Variants in KCTD8 observed in about 807,000 individuals in gnomAD.
KCTD8 encodes the protein BTB/POZ domain-containing protein KCTD8.
A neutral mutation model predicts 31.5 loss-of-function variants in KCTD8; 27 were observed. The ratio of observed to expected loss-of-function variants is 0.86; its 90% CI spans 0.63 to 1.18. The LOEUF (loss-of-function observed/expected upper bound fraction) is 1.18. Ranked by LOEUF, KCTD8 falls within the 50% of genes most tolerant of loss-of-function variation. The pLI is 0.00. For synonymous variants in KCTD8, 290 were observed against 280.0 expected (o/e 1.04, Z -0.36); for missense variants, 658 against 647.7 (o/e 1.02, Z -0.17).
intron 1 of KCTD8, among the ~76,000 whole-genome samples, chr4:44,262,494 TATATTCTTCGTATA>T (rs1281426100): frequency 3.3e-5 from 5 of 152,068 alleles, no homozygotes; most frequent in Non-Finnish European, 7.4e-5. Context: ...TAAGATAGAA[TATATTCTTCGTATA>T]AGTCACCTGT....
rs555172284 is a variant in KCTD8, at chr4:44,234,114, A to C, written c.962-58864T>G. 2.0e-3 allele frequency among the ~76,000 whole-genome samples: 298 copies of C among 152,322 alleles called. 5 individuals are homozygous for C. The highest frequency in any genetic ancestry group is 2.8e-4 in the Non-Finnish European group (19 of 68,022). ...TGCGTGTAATACTTATTTAATTTTC[A>C]AAACAACCCTGCAGAGAGTTACTCT... On this transcript the variant is annotated intron_variant, in intron 1 of 1. Coordinates refer to ENST00000360029, the MANE Select transcript of KCTD8 (RefSeq NM_198353.3).
At chr4:44,226,651 C>A (rs1343996348) in intron 1 of KCTD8, among the ~76,000 whole-genome samples, 1 of 152,140 alleles carries the variant, frequency 6.6e-6, no homozygotes, top group Admixed American at 6.5e-5. Context: ...ATCTATACTC[C>A]CACCAACAGT....
intron 1 of KCTD8, among the ~76,000 whole-genome samples, chr4:44,389,667 T>C (rs570357987): frequency 6.6e-6 from 1 of 151,922 alleles, no homozygotes; most frequent in East Asian, 1.9e-4. Flanking sequence ...TGGAGATTGG[T>C]TGCACAACAA....
At chr4:44,310,664 T>A (rs1214886729) in intron 1 of KCTD8, among the ~76,000 whole-genome samples, 1 of 152,088 alleles carries the variant, frequency 6.6e-6, no homozygotes, top group Admixed American at 6.6e-5. Flanking sequence ...GATTCGTGAG[T>A]AAACCAGAGG....
rs567599666 is a variant in KCTD8, at chr4:44,264,700, G to A, written c.962-89450C>T. On this transcript the variant is annotated intron_variant, in intron 1 of 1. Coordinates refer to ENST00000360029, the MANE Select transcript of KCTD8 (RefSeq NM_198353.3). Reference sequence around the variant, plus strand: ...TCCCCCCCGAATACTGCTCTTTTCCGATGGGCTTAGGAAATGGCACACCAG... The same window carrying A: ...TCCCCCCCGAATACTGCTCTTTTCCAATGGGCTTAGGAAATGGCACACCAG... 5.9e-5 allele frequency among the ~76,000 whole-genome samples: 9 copies of A among 152,270 alleles called. No homozygotes were observed. The East Asian group carries it at 1.4e-3, about 23-fold the overall frequency.
intron 1 of KCTD8, among the ~76,000 whole-genome samples, chr4:44,237,388 T>C (rs1475653847): frequency 6.6e-6 from 1 of 152,176 alleles, no homozygotes; most frequent in Admixed American, 6.5e-5. Flanking sequence ...GGGAAGAACC[T>C]CTTAGAACAG....
At chr4:44,243,390 T>C (rs985974614) in intron 1 of KCTD8, among the ~76,000 whole-genome samples, 1 of 152,228 alleles carries the variant, frequency 6.6e-6, no homozygotes, top group Non-Finnish European at 1.5e-5. Context: ...CAACTTACAG[T>C]ACACCATATA....
At chr4:44,359,650 G>C (rs2109429561) in intron 1 of KCTD8, among the ~76,000 whole-genome samples, 1 of 151,940 alleles carries the variant, frequency 6.6e-6, no homozygotes, top group South Asian at 2.1e-4. Flanking sequence ...CTCTTCTTTT[G>C]CTCTTGCTGC....
intron 1 of KCTD8, among the ~76,000 whole-genome samples, chr4:44,337,320 A>ACGTGGT (rs1323160198): frequency 6.6e-6 from 1 of 152,214 alleles, no homozygotes; most frequent in Non-Finnish European, 1.5e-5. Flanking sequence ...TTAAAAAATT[A>ACGTGGT]CGTTATTTTA....
chr4:44,390,536 G>A (rs1161156891), intron 1 of KCTD8, among the ~76,000 whole-genome samples: 1 of 151,882 alleles, frequency 6.6e-6, no homozygotes, highest in African/African-American at 2.4e-5. Flanking sequence ...GGCTGTTTTG[G>A]TGACTATGGC....
At chr4:44,208,903 G>T (rs1311865227) in intron 1 of KCTD8, among the ~76,000 whole-genome samples, 1 of 152,096 alleles carries the variant, frequency 6.6e-6, no homozygotes, top group Non-Finnish European at 1.5e-5. Context: ...ACAGTTTAAG[G>T]TTCATCTTTT....
chr4:44,179,446 T>C (rs947994202), intron 1 of KCTD8, among the ~76,000 whole-genome samples: 1 of 150,118 alleles, frequency 6.7e-6, no homozygotes, highest in Non-Finnish European at 1.5e-5. Flanking sequence ...AAAATAGTTA[T>C]ACACATTAAT....
At chr4:44,180,065 G>A (rs973131392) in intron 1 of KCTD8, among the ~76,000 whole-genome samples, 2 of 152,146 alleles carry the variant, frequency 1.3e-5, no homozygotes, top group African/African-American at 4.8e-5. Context: ...GTGAATATAT[G>A]GGAACAACAT....
At chr4:44,265,995 C>A (rs1043348152) in intron 1 of KCTD8, among the ~76,000 whole-genome samples, 3 of 152,068 alleles carry the variant, frequency 2.0e-5, no homozygotes, top group African/African-American at 7.2e-5. Flanking sequence ...GAGAACTTCT[C>A]CAATCTAGCA....
At chr4:44,280,397 TCAAA>T (rs1716874492) in intron 1 of KCTD8, among the ~76,000 whole-genome samples, 1 of 152,200 alleles carries the variant, frequency 6.6e-6, no homozygotes, top group African/African-American at 2.4e-5. Context: ...TTCCCTCTCC[TCAAA>T]CACTCAGCTT....
intron 1 of KCTD8, among the ~76,000 whole-genome samples, chr4:44,240,928 C>T (rs762201131): frequency 2.0e-5 from 3 of 152,174 alleles, no homozygotes; most frequent in African/African-American, 4.8e-5. Context: ...AAGAGGAAAA[C>T]GTGACATAAG....
intron 1 of KCTD8, among the ~76,000 whole-genome samples, chr4:44,440,190 C>A (rs1037189773): frequency 2.0e-5 from 3 of 152,214 alleles, no homozygotes; most frequent in Admixed American, 6.5e-5. Flanking sequence ...ACCTCAGCCT[C>A]CCAAAGTGCT....
At chr4:44,272,002 C>T (rs1716622070) in intron 1 of KCTD8, among the ~76,000 whole-genome samples, 1 of 151,684 alleles carries the variant, frequency 6.6e-6, no homozygotes, top group African/African-American at 2.4e-5. Flanking sequence ...GTTCCTCTAT[C>T]AAATGAAAAT....
chr4:44,236,846 G>T (rs1715304474), intron 1 of KCTD8, among the ~76,000 whole-genome samples: 1 of 152,026 alleles, frequency 6.6e-6, no homozygotes, highest in African/African-American at 2.4e-5. Context: ...GAATCGTGGG[G>T]GCAGTTTCCC....
Sources: allele counts gnomAD v4.1 joint callset (sites outside exome capture counted in the v4.1 genomes callset), GRCh38; gene constraint gnomAD v4.1.1; transcripts MANE v1.5; gene names NCBI Gene and HGNC (gene_info 2026-07-23, HGNC 2026-07-21).